PRKG1: variants seen among roughly 807,000 people sequenced by gnomAD.
The protein encoded by PRKG1 is protein kinase cGMP-dependent 1, also known as cGMP-dependent protein kinase 1.
Under a neutral mutation model 88.1 loss-of-function variants are expected in PRKG1, and 35 were observed. The ratio of observed to expected loss-of-function variants is 0.40; its 90% CI spans 0.30 to 0.53. PRKG1 has a LOEUF of 0.53. Among genes scored for constraint, PRKG1 ranks in the 20% least tolerant of loss-of-function variants. PRKG1 has a pLI of 0.59. For synonymous variants in PRKG1, 303 were observed against 292.5 expected (o/e 1.04, Z -0.37); for missense variants, 540 against 839.8 (o/e 0.64, Z 4.41).
chr10:51,563,608 C>T (rs1445144473), intron 3 of PRKG1, among the ~76,000 whole-genome samples: 1 of 148,488 alleles, frequency 6.7e-6, no homozygotes, highest in East Asian at 1.9e-4. Context: ...AGCAACAGAA[C>T]GTTTGTCGAC....
rs1344884468 is a variant in PRKG1 at position 51,441,843 on chromosome 10, TG to T, written c.479-25879del. 2.0e-5 allele frequency among the ~76,000 whole-genome samples: 3 copies of T among 152,090 alleles called. No homozygotes were observed. In the East Asian group the frequency reaches 5.8e-4, roughly 29 times the overall value. ...CACTCTCATCTGTCTTCAGCCAAAA[TG>T]TATTATTTTGCCTCTCATAGTTTCT... On this transcript the variant is annotated intron_variant, in intron 2 of 17. Transcript: ENST00000373980.
chr10:51,948,917 C>A (rs1378274510), intron 5 of PRKG1, among the ~76,000 whole-genome samples: 1 of 151,994 alleles, frequency 6.6e-6, no homozygotes, highest in East Asian at 1.9e-4. Flanking sequence ...ATAAGATAAC[C>A]AGAATAATAT....
At chr10:51,690,360 T>C (rs1841106650) in intron 3 of PRKG1, among the ~76,000 whole-genome samples, 1 of 151,968 alleles carries the variant, frequency 6.6e-6, no homozygotes, top group Non-Finnish European at 1.5e-5. Flanking sequence ...ATAGGACACA[T>C]AAGGATTTTG....
Position 51,060,645 on chromosome 10 carries a change from T to C in PRKG1, c.266+69001T>C, listed in dbSNP as rs192431870. On this transcript the variant is annotated intron_variant, in intron 1 of 17. Coordinates refer to the PRKG1 transcript ENST00000401604. Reference sequence around the variant, plus strand: ...TGTTGTTAGATGTTATTGTTTTATATAGTAATAATTTATATACATTTACCC... The same window carrying C: ...TGTTGTTAGATGTTATTGTTTTATACAGTAATAATTTATATACATTTACCC... Among the ~76,000 whole-genome samples, 394 of 152,270 alleles carry C rather than the reference T, an allele frequency of 2.6e-3. 1 individual carries two copies. Among genetic ancestry groups the C allele is most frequent in the African/African-American group, 8.9e-3 (369 of 41,572 alleles).
chr10:51,465,099 A>G (rs965868661), intron 2 of PRKG1, among the ~76,000 whole-genome samples: 12 of 152,324 alleles, frequency 7.9e-5, no homozygotes, highest in South Asian at 4.1e-4. Context: ...AAGAAGTGGC[A>G]GTACAACTGA....
At chr10:51,128,790 A>G (rs995672646) in intron 1 of PRKG1, among the ~76,000 whole-genome samples, 3 of 152,226 alleles carry the variant, frequency 2.0e-5, no homozygotes, top group Non-Finnish European at 4.4e-5. Context: ...GTAGTAAGAA[A>G]CATACACAGA....
intron 1 of PRKG1, among the ~76,000 whole-genome samples, chr10:51,096,858 G>A (rs1419516697): frequency 1.3e-5 from 2 of 152,200 alleles, no homozygotes; most frequent in Non-Finnish European, 2.9e-5. Flanking sequence ...ATGTTCTGGA[G>A]GTATGTTGCT....
At chr10:51,551,534 T>G (rs1246852713) in intron 3 of PRKG1, among the ~76,000 whole-genome samples, 1 of 151,796 alleles carries the variant, frequency 6.6e-6, no homozygotes, top group Admixed American at 6.6e-5. Context: ...GTATATGTGT[T>G]TGTATGAATG....
At chr10:52,142,287 A>C (rs1489093096) in intron 8 of PRKG1, among the ~76,000 whole-genome samples, 4 of 152,128 alleles carry the variant, frequency 2.6e-5, no homozygotes. Context: ...TAAATGACTA[A>C]GATAGAAAAC....
At chr10:51,680,478 G>A (rs1445455093) in intron 3 of PRKG1, among the ~76,000 whole-genome samples, 1 of 152,158 alleles carries the variant, frequency 6.6e-6, no homozygotes, top group Non-Finnish European at 1.5e-5. Context: ...AAAACCCCAA[G>A]GATCTGGACA....
At chr10:52,290,832 G>A (rs1199111852) in intron 17 of PRKG1, among the ~76,000 whole-genome samples, 1 of 151,864 alleles carries the variant, frequency 6.6e-6, no homozygotes, top group African/African-American at 2.4e-5. Context: ...CTTCAGCTTG[G>A]GTGACAGAGT....
intron 9 of PRKG1, among the ~76,000 whole-genome samples, chr10:52,205,901 G>C (rs758053421): frequency 3.9e-5 from 6 of 152,048 alleles, no homozygotes; most frequent in Non-Finnish European, 7.4e-5. Context: ...ATTGGGGATG[G>C]TCATCTTGTA....
intron 3 of PRKG1, among the ~76,000 whole-genome samples, chr10:51,618,058 G>A (rs1350178013): frequency 6.6e-6 from 1 of 152,162 alleles, no homozygotes; most frequent in African/African-American, 2.4e-5. Flanking sequence ...CCAAGAGAAG[G>A]TCTTTTTCAT....
At chr10:51,522,528 CT>C (rs536337192) in intron 3 of PRKG1, among the ~76,000 whole-genome samples, 16 of 152,210 alleles carry the variant, frequency 1.1e-4, no homozygotes, top group African/African-American at 3.9e-4. Context: ...TTTGTGTGGC[CT>C]TTGCTACCAT....
intron 6 of PRKG1, among the ~76,000 whole-genome samples, chr10:52,060,386 G>A (rs184505473): frequency 5.3e-5 from 8 of 151,856 alleles, no homozygotes; most frequent in East Asian, 1.9e-4. Context: ...AATATTACAC[G>A]GTTAAGTGTA....
chr10:51,366,111 G>T (rs1432516035), intron 2 of PRKG1, among the ~76,000 whole-genome samples: 4 of 151,580 alleles, frequency 2.6e-5, no homozygotes, highest in Non-Finnish European at 4.4e-5. Context: ...TTTATTTTTG[G>T]TCATCTCTTT....
chr10:51,321,912 T>C (rs1841466990), intron 2 of PRKG1, among the ~76,000 whole-genome samples: 1 of 152,042 alleles, frequency 6.6e-6, no homozygotes, highest in South Asian at 2.1e-4. Context: ...AAATTAAAAA[T>C]TAAAAAAATA....
At chr10:51,027,159 C>T (rs1843218383) in intron 1 of PRKG1, among the ~76,000 whole-genome samples, 1 of 152,192 alleles carries the variant, frequency 6.6e-6, no homozygotes, top group African/African-American at 2.4e-5. Flanking sequence ...GCCCAGGTTG[C>T]AAACCTATGA....
chr10:51,122,478 A>G (rs1001888643), intron 1 of PRKG1, among the ~76,000 whole-genome samples: 2 of 152,044 alleles, frequency 1.3e-5, no homozygotes, highest in African/African-American at 4.8e-5. Flanking sequence ...AACCTAACCC[A>G]TCTGGGTTGC....
Sources: allele counts gnomAD v4.1 joint callset (sites outside exome capture counted in the v4.1 genomes callset), GRCh38; gene constraint gnomAD v4.1.1; transcripts MANE v1.5; gene names NCBI Gene and HGNC (gene_info 2026-07-23, HGNC 2026-07-21).